Variants in KCNAB2 observed in about 807,000 individuals in gnomAD.
KCNAB2 encodes voltage-gated potassium channel subunit beta-2.
KCNAB2 carries 29 observed loss-of-function variants against 63.6 expected under a neutral mutation model. That is an observed-to-expected ratio of 0.46 (90% CI 0.34 to 0.62). The LOEUF is 0.62. Ranked by LOEUF, KCNAB2 falls within the 20% of genes least tolerant of loss-of-function variation. The pLI, the probability that KCNAB2 is intolerant of heterozygous loss-of-function variation, is 0.01. For missense variants in KCNAB2, 359 were observed against 563.9 expected (o/e 0.64, Z 3.68); for synonymous variants, 222 against 224.2 (o/e 0.99, Z 0.09).
chr1:6,083,796 C>T (rs1664419171), intron 5 of KCNAB2, among the ~76,000 whole-genome samples: 1 of 152,162 alleles, frequency 6.6e-6, no homozygotes, highest in South Asian at 2.1e-4. Flanking sequence ...CCTTGCTTCT[C>T]CTGCTGACAC....
At position 6,097,739 on chromosome 1, in the gene KCNAB2, C is replaced by T. The variant is rs553116843; in HGVS notation, c.1158+382C>T. ...GCGGAGTAAGTCACGCAAATGCCTGCGGGAAGAACCTTCCACCAGCAGGAA... is the reference window on the plus strand; with the variant it reads ...GCGGAGTAAGTCACGCAAATGCCTGTGGGAAGAACCTTCCACCAGCAGGAA... On this transcript the variant is annotated intron_variant, in intron 15 of 15. Coordinates refer to ENST00000378083, the MANE Select transcript of KCNAB2 (RefSeq NM_001199862.2). The T allele has an allele frequency of 2.0e-4, 90 of 444,982 alleles. 1 individual carries two copies. The South Asian group carries it at 4.8e-3, about 24-fold the overall frequency. 27.6% of individuals were successfully genotyped at this position (444,982 alleles called of 1,614,324 possible). A position where few individuals can be genotyped will look rare whatever the true frequency, so the allele number is the denominator to read the frequency against.
At chr1:6,011,886 C>G (rs1209916308) in intron 1 of KCNAB2, among the ~76,000 whole-genome samples, 1 of 152,236 alleles carries the variant, frequency 6.6e-6, no homozygotes, top group African/African-American at 2.4e-5. Flanking sequence ...GAATTGCCCC[C>G]CGGAAGGTTG....
intron 10 of KCNAB2, 147 bp from the exon 11 acceptor site, chr1:6,094,253 T>G (rs1341468231): frequency 1.6e-6 from 1 of 609,862 alleles, no homozygotes; most frequent in Non-Finnish European, 2.9e-6. Context: ...ACACCCAACT[T>G]CAGAGCCAGG....
intron 1 of KCNAB2, 42 bp from the exon 2 acceptor site, chr1:6,051,469 T>G: frequency 7.0e-7 from 1 of 1,429,396 alleles, no homozygotes; most frequent in South Asian, 1.5e-5. Flanking sequence ...CTGGGGCACG[T>G]GGGGCATTGG....
chr1:6,013,189 A>G (rs781560624), intron 1 of KCNAB2, among the ~76,000 whole-genome samples: 4 of 152,132 alleles, frequency 2.6e-5, no homozygotes, highest in African/African-American at 9.7e-5. Flanking sequence ...CTGGGCACCA[A>G]TGAGGTGTCA....
chr1:6,088,859 C>T (rs887609113), intron 7 of KCNAB2, 149 bp from the exon 8 acceptor site: 6 of 704,000 alleles, frequency 8.5e-6, no homozygotes, highest in East Asian at 3.0e-5. Context: ...CCTGTAGCCT[C>T]GGGTCCCTAC....
upstream of KCNAB2, among the ~76,000 whole-genome samples, chr1:6,042,449 T>C (rs903873101): frequency 2.0e-5 from 3 of 152,326 alleles, no homozygotes; most frequent in South Asian, 4.1e-4. Flanking sequence ...CCCAGCAGGA[T>C]GTGACATCAA....
chr1:6,002,839 G>A (rs1037566947), intron 1 of KCNAB2, among the ~76,000 whole-genome samples: 2 of 152,162 alleles, frequency 1.3e-5, no homozygotes, highest in East Asian at 1.9e-4. Context: ...TCTGGACGAC[G>A]CTGACAGCAG....
rs1663145023 is a variant in KCNAB2, at chr1:6,071,077, G to A, written c.219-1678G>A. The stretch of plus-strand genomic sequence containing the variant: ...GCTTACAAATATTATATCCACTCAT[G>A]AGTTAGGAGTCCAGGAGCCTTATAA... On this transcript the variant is annotated intron_variant, in intron 2 of 15. Transcript: ENST00000378083. This position sits in a 1 kb window ranked among gnomAD's most constrained non-coding sequence, Gnocchi z 8.5. 6.6e-6 allele frequency among the ~76,000 whole-genome samples: 1 copy of A among 152,192 alleles called. No homozygotes were observed. Among genetic ancestry groups the A allele is most frequent in the Non-Finnish European group, 1.5e-5 (1 of 68,032 alleles).
At chr1:6,001,435 G>A (rs1657255470) in intron 1 of KCNAB2, among the ~76,000 whole-genome samples, 1 of 152,206 alleles carries the variant, frequency 6.6e-6, no homozygotes, top group Non-Finnish European at 1.5e-5. Context: ...GGGTGCCACT[G>A]GGAGGGATGC....
chr1:6,012,905 C>T (rs138905792), intron 1 of KCNAB2, among the ~76,000 whole-genome samples: 137 of 152,206 alleles, frequency 9.0e-4, no homozygotes, highest in South Asian at 6.8e-3. Flanking sequence ...TCTCCACACA[C>T]GCCCTGTGAG....
chr1:6,004,629 C>T (rs988204587), intron 1 of KCNAB2, among the ~76,000 whole-genome samples: 4 of 150,222 alleles, frequency 2.7e-5, no homozygotes, highest in African/African-American at 9.8e-5. Context: ...GTGTCTGTCT[C>T]CTCTTTTTAT....
intron 7 of KCNAB2, among the ~76,000 whole-genome samples, chr1:6,088,233 T>TC (rs1491407251): frequency 1.0e-4 from 3 of 29,358 alleles, no homozygotes; most frequent in Admixed American, 6.6e-4. Flanking sequence ...TCTCTCTCTC[T>TC]TTTTTTTTTT....
intron 1 of KCNAB2, among the ~76,000 whole-genome samples, chr1:6,005,429 T>G (rs74476035): frequency 0.12 from 152 of 1,304 alleles, 29 homozygotes; most frequent in African/African-American, 0.27. Context: ...GAGTTGTGGG[T>G]TGTGTGAGCT....
At chr1:6,000,973 C>CCATCTCA (rs1657223582) in intron 1 of KCNAB2, among the ~76,000 whole-genome samples, 1 of 152,198 alleles carries the variant, frequency 6.6e-6, no homozygotes, top group Admixed American at 6.5e-5. Flanking sequence ...TTGACAGCGT[C>CCATCTCA]CATCTCACAT....
intron 2 of KCNAB2, among the ~76,000 whole-genome samples, chr1:6,063,087 C>T (rs536696097): frequency 7.3e-5 from 11 of 150,968 alleles, no homozygotes; most frequent in African/African-American, 2.4e-4. Flanking sequence ...AGTGCAGTAG[C>T]GCAACCTCGG....
chr1:6,020,018 C>T (rs1354866860), intron 1 of KCNAB2, among the ~76,000 whole-genome samples: 1 of 152,142 alleles, frequency 6.6e-6, no homozygotes, highest in African/African-American at 2.4e-5. Context: ...GGATGATCTG[C>T]CTAGAGTTTC....
At chr1:6,080,060 A>C (rs1048527025) in intron 4 of KCNAB2, among the ~76,000 whole-genome samples, 6 of 152,292 alleles carry the variant, frequency 3.9e-5, no homozygotes, top group African/African-American at 1.4e-4. Context: ...GGGGATAAGA[A>C]AATACATGTG....
In KCNAB2 at chr1:6,028,365, T is replaced by C. The variant is rs1659348007; in HGVS notation, c.-52-12152T>C. On this transcript the variant is annotated intron_variant, in intron 1 of 16. Transcript: ENST00000341524. The surrounding 1 kb of genome is among the most constrained non-coding windows in gnomAD (Gnocchi z 4.0). ...TCTGGCACGCAGAACAAGCAGACCA[T>C]GGTTTTGTGTTATACAGTAGTCACG... Among the ~76,000 whole-genome samples, 1 of 152,156 alleles carries C rather than the reference T, an allele frequency of 6.6e-6. No homozygotes were observed. The highest frequency in any genetic ancestry group is 1.5e-5 in the Non-Finnish European group (1 of 68,024).
Sources: gnomAD v4.1 joint callset for allele counts (sites outside exome capture counted in the v4.1 genomes callset) on GRCh38, gnomAD v4.1.1 for gene constraint, Gnocchi (gnomAD v3.1) non-coding constraint, MANE v1.5 for transcripts, NCBI Gene and HGNC (gene_info 2026-07-23, HGNC 2026-07-21) for gene names.